Variants in B3GALNT1 observed in about 807,000 individuals in gnomAD.
B3GALNT1 encodes beta-1,3-N-acetylgalactosaminyltransferase 1 (Globoside blood group), also known as UDP-GalNAc:beta-1,3-N-acetylgalactosaminyltransferase 1.
Under a neutral mutation model 27.3 loss-of-function variants are expected in B3GALNT1, and 17 were observed. The ratio of observed to expected loss-of-function variants is 0.62; its 90% CI spans 0.43 to 0.94. The LOEUF (loss-of-function observed/expected upper bound fraction) is 0.94, where lower values mean the gene tolerates loss of function less well. B3GALNT1 is among the 40% of genes least tolerant of loss of function. The pLI is 0.00. For synonymous variants in B3GALNT1, 141 were observed against 144.0 expected (o/e 0.98, Z 0.15); for missense variants, 347 against 390.0 (o/e 0.89, Z 0.93).
At chr3:161,103,387 C>T in intron 3 of B3GALNT1, 40 bp downstream of exon 3, 1 of 1,007,402 alleles carries the variant, frequency 9.9e-7, no homozygotes, top group Non-Finnish European at 1.3e-6. Context: ...CATTTTTAAC[C>T]AATTAGGATA....
chr3:161,091,663 A>T (rs1030566153), intron 4 of B3GALNT1, among the ~76,000 whole-genome samples: 3 of 152,198 alleles, frequency 2.0e-5, no homozygotes, highest in African/African-American at 7.2e-5. Context: ...GAAAAGTAGG[A>T]TGCTGACACT....
rs140946719 is a variant in B3GALNT1 at position 161,103,861 on chromosome 3, G to A, written c.-220-344C>T. The A allele has an allele frequency of 4.9e-4, 87 of 178,218 alleles. 2 individuals carry two copies. The South Asian group carries it at 8.8e-3, about 18-fold the overall frequency. The allele number at this position is 178,218 out of a possible 1,614,324, so 11.0% of individuals were successfully genotyped here. A position where few individuals can be genotyped will look rare whatever the true frequency, so the allele number is the denominator to read the frequency against. ...TCCTGCCTCAGCCCCCCGAGGAACT[G>A]GGATTTCAGGTGTGTGCCACCACAC... On this transcript the variant is annotated intron_variant, in intron 2 of 4. Transcript: ENST00000320474.
At chr3:161,090,025 T>C in intron 4 of B3GALNT1, 1 of 222,512 alleles carries the variant, frequency 4.5e-6, no homozygotes, top group South Asian at 4.7e-5. Context: ...GCTGAGATCC[T>C]GCCACTGTAC....
At chr3:161,100,867 C>T (rs1730894530) in intron 4 of B3GALNT1, among the ~76,000 whole-genome samples, 1 of 151,792 alleles carries the variant, frequency 6.6e-6, no homozygotes, top group Non-Finnish European at 1.5e-5. Flanking sequence ...AACTTCTGGG[C>T]ACTATACAAG....
In B3GALNT1 at chr3:161,104,397, C is replaced by T; in HGVS notation, c.-299G>A. 7.8e-7 allele frequency: 1 copy of T among 1,277,594 alleles called. No homozygotes were observed. The highest frequency in any genetic ancestry group is 1.0e-6 in the Non-Finnish European group (1 of 980,316). 79.1% of individuals were successfully genotyped at this position (1,277,594 alleles called of 1,614,324 possible). ...TCCCACAACGCAGCCACCTCCTAAA[C>T]GCAGGCAATCTGTGCAAAACGCAGA... On this transcript the variant is annotated 5_prime_UTR_variant, in exon 2 of 5. Transcript: ENST00000320474.
chr3:161,101,643 G>C (rs1441361282), intron 3 of B3GALNT1, among the ~76,000 whole-genome samples: 4 of 151,992 alleles, frequency 2.6e-5, no homozygotes, highest in East Asian at 3.9e-4. Flanking sequence ...TAGAGAACAT[G>C]GGGGAGGCTT....
intron 4 of B3GALNT1, among the ~76,000 whole-genome samples, chr3:161,096,422 T>C (rs1251378462): frequency 6.6e-6 from 1 of 152,192 alleles, no homozygotes; most frequent in Non-Finnish European, 1.5e-5. Flanking sequence ...CAAACTACTG[T>C]CAGTTTTGCA....
At chr3:161,104,101 T>C (rs1204491054) in intron 2 of B3GALNT1, 1 of 303,490 alleles carries the variant, frequency 3.3e-6, no homozygotes, top group Non-Finnish European at 6.4e-6. Context: ...AACGAACATT[T>C]TAGTCTATGA....
At chr3:161,099,937 T>G (rs897946968) in intron 4 of B3GALNT1, among the ~76,000 whole-genome samples, 1 of 152,088 alleles carries the variant, frequency 6.6e-6, no homozygotes, top group African/African-American at 2.4e-5. Context: ...CACTAACAAG[T>G]TAGAAGAGGG....
intron 3 of B3GALNT1, among the ~76,000 whole-genome samples, chr3:161,102,758 A>G (rs1385411285): frequency 1.3e-5 from 2 of 152,192 alleles, no homozygotes; most frequent in Non-Finnish European, 2.9e-5. Context: ...ATAGCGAGCA[A>G]CCATGATCCA....
At chr3:161,089,658 CG>C (rs1723928271) in intron 4 of B3GALNT1, among the ~76,000 whole-genome samples, 1 of 151,058 alleles carries the variant, frequency 6.6e-6, no homozygotes, top group African/African-American at 2.4e-5. Flanking sequence ...GGTAGGAAAA[CG>C]GGAAATAAAA....
At chr3:161,092,763 C>CTTTTTTTTTTTT (rs33946641) in intron 4 of B3GALNT1, among the ~76,000 whole-genome samples, 3 of 104,868 alleles carry the variant, frequency 2.9e-5, no homozygotes, top group East Asian at 2.9e-4. Flanking sequence ...TTTCATTTTT[C>CTTTTTTTTTTTT]TTTTTTTTTT....
At chr3:161,102,197 A>G (rs999083388) in intron 3 of B3GALNT1, among the ~76,000 whole-genome samples, 3 of 146,062 alleles carry the variant, frequency 2.1e-5, no homozygotes, top group Non-Finnish European at 3.0e-5. Flanking sequence ...AAATAGCTAA[A>G]TATAGTTCCA....
rs989280014 is a variant in B3GALNT1 at position 161,085,084 on chromosome 3, T to C, written c.*675A>G. On this transcript the variant is annotated 3_prime_UTR_variant, in exon 5 of 5. Transcript: ENST00000320474. ...TGCAATAATGACCTATGACTTTACATTAATGGAGTGATGTATCAATAATAA... is the reference window on the plus strand; with the variant it reads ...TGCAATAATGACCTATGACTTTACACTAATGGAGTGATGTATCAATAATAA... The C allele has an allele frequency of 6.6e-6, 1 of 152,238 alleles. No homozygotes were observed. Among genetic ancestry groups the C allele is most frequent in the Non-Finnish European group, 1.5e-5 (1 of 68,052 alleles). The allele number at this position is 152,238 out of a possible 1,614,324, so 9.4% of individuals were successfully genotyped here.
intron 1 of B3GALNT1, 163 bp from the exon 2 acceptor site, chr3:161,104,569 G>A: frequency 2.8e-6 from 1 of 356,592 alleles, no homozygotes; most frequent in South Asian, 2.2e-5. Flanking sequence ...TGCACCTCTA[G>A]GAATCTTTTT....
At chr3:161,090,018 G>C (rs1724170647) in intron 4 of B3GALNT1, 1 of 230,086 alleles carries the variant, frequency 4.3e-6, no homozygotes, top group African/African-American at 2.3e-5. Context: ...GCAGTGAGCT[G>C]AGATCCTGCC....
intron 4 of B3GALNT1, 67 bp downstream of exon 4, chr3:161,101,072 C>G: frequency 8.3e-7 from 1 of 1,207,872 alleles, no homozygotes; most frequent in South Asian, 1.3e-5. Context: ...ACCAACCTCA[C>G]ATCTAATCTC....
In B3GALNT1 at chr3:161,101,161, CGGA is replaced by C. The variant is rs752438913; in HGVS notation, c.-60_-58del. On this transcript the variant is annotated 5_prime_UTR_variant, in exon 4 of 5. Coordinates refer to ENST00000320474, the MANE Select transcript of B3GALNT1 (RefSeq NM_003781.4). ...CACCTTTACACTCGGGGTGAGTAGT[CGGA>C]GAGCACCACGTGATAGAGCAGCCAG... 31 of 1,289,770 alleles carry C rather than the reference CGGA, an allele frequency of 2.4e-5. 2 individuals carry two copies. The South Asian group carries it at 3.8e-4, about 16-fold the overall frequency. 79.9% of individuals were successfully genotyped at this position (1,289,770 alleles called of 1,614,324 possible).
At chr3:161,103,327 C>T (rs36051722) in intron 3 of B3GALNT1, 100 bp downstream of exon 3, 15,805 of 398,128 alleles carry the variant, frequency 0.04, 580 homozygotes, top group South Asian at 0.12. Flanking sequence ...CAACAAACTT[C>T]GTGGCTGCAT....
Sources: gnomAD v4.1 joint callset for allele counts (sites outside exome capture counted in the v4.1 genomes callset) on GRCh38, gnomAD v4.1.1 for gene constraint, MANE v1.5 for transcripts, NCBI Gene and HGNC (gene_info 2026-07-23, HGNC 2026-07-21) for gene names.